Variants in FSIP1 observed in about 807,000 individuals in gnomAD.
FSIP1 encodes the protein fibrous sheath-interacting protein 1.
A neutral mutation model predicts 60.9 loss-of-function variants in FSIP1; 65 were observed. That is an observed-to-expected ratio of 1.07 (90% CI 0.87 to 1.31). The LOEUF (loss-of-function observed/expected upper bound fraction) is 1.31. Ranked by LOEUF, FSIP1 falls within the 40% of genes most tolerant of loss-of-function variation. The probability of loss-of-function intolerance (pLI) is 0.00; values close to 1 mark genes in which losing one functional copy is unlikely to be tolerated. For synonymous variants in FSIP1, 209 were observed against 221.2 expected (o/e 0.94, Z 0.49); for missense variants, 675 against 665.5 (o/e 1.01, Z -0.16).
intron 1 of FSIP1, among the ~76,000 whole-genome samples, chr15:39,781,089 T>C (rs925919695): frequency 4.6e-5 from 7 of 152,164 alleles, no homozygotes; most frequent in Admixed American, 3.9e-4. Context: ...AAAACACATA[T>C]CTGACAAAGG....
chr15:39,764,156 TAA>T (rs1231274974), intron 4 of FSIP1, among the ~76,000 whole-genome samples: 1 of 152,180 alleles, frequency 6.6e-6, no homozygotes, highest in Non-Finnish European at 1.5e-5. Flanking sequence ...TAAAGTATCA[TAA>T]GTTTCTGCTT....
At chr15:39,680,104 G>C (rs1225985089) in intron 10 of FSIP1, among the ~76,000 whole-genome samples, 1 of 152,028 alleles carries the variant, frequency 6.6e-6, no homozygotes, top group Non-Finnish European at 1.5e-5. Flanking sequence ...GAATAGGCCT[G>C]AAATTCTAGA....
rs556243550 is a variant in FSIP1, at chr15:39,731,579, C to T, written c.892-4832G>A. On this transcript the variant is annotated intron_variant, in intron 8 of 11. Transcript: ENST00000350221. The stretch of plus-strand genomic sequence containing the variant: ...AAATGTATATGTTTTATGCACTATG[C>T]CGTTACAGAAATAAGATATATGTAA... 4.6e-5 allele frequency among the ~76,000 whole-genome samples: 7 copies of T among 152,294 alleles called. No individual in the cohort carries two copies. In the East Asian group the frequency reaches 1.3e-3, roughly 29 times the overall value.
At chr15:39,732,448 C>T (rs1896441781) in intron 8 of FSIP1, among the ~76,000 whole-genome samples, 1 of 151,912 alleles carries the variant, frequency 6.6e-6, no homozygotes, top group Admixed American at 6.6e-5. Flanking sequence ...GGTGAAATCC[C>T]ATCTCTACTA....
At chr15:39,674,342 C>CCG (rs1440170088) in intron 10 of FSIP1, among the ~76,000 whole-genome samples, 1 of 152,206 alleles carries the variant, frequency 6.6e-6, no homozygotes, top group Non-Finnish European at 1.5e-5. Context: ...GCGTGAGCCA[C>CCG]TGCATCCGGC....
chr15:39,710,441 GAA>G (rs397945950), intron 10 of FSIP1, among the ~76,000 whole-genome samples: 53 of 74,248 alleles, frequency 7.1e-4, no homozygotes, highest in African/African-American at 1.4e-3. Flanking sequence ...CTCTGTCTCA[GAA>G]AAAAAAAAAA....
chr15:39,712,518 A>G (rs1457012895), intron 10 of FSIP1, among the ~76,000 whole-genome samples: 1 of 152,234 alleles, frequency 6.6e-6, no homozygotes, highest in East Asian at 1.9e-4. Flanking sequence ...ATATGGCAAC[A>G]AACTAGTCAC....
intron 10 of FSIP1, among the ~76,000 whole-genome samples, chr15:39,634,269 A>T (rs1892036529): frequency 6.6e-6 from 1 of 152,156 alleles, no homozygotes; most frequent in Non-Finnish European, 1.5e-5. Flanking sequence ...CCACCACTGC[A>T]TTTCTCTTAC....
chr15:39,746,228 G>A (rs1475366551), intron 5 of FSIP1, among the ~76,000 whole-genome samples: 7 of 152,134 alleles, frequency 4.6e-5, no homozygotes, highest in Admixed American at 3.9e-4. Context: ...AAAGCAATCA[G>A]TGGTCATGTA....
intron 10 of FSIP1, among the ~76,000 whole-genome samples, chr15:39,621,166 G>A (rs1891429290): frequency 6.6e-6 from 1 of 152,102 alleles, no homozygotes; most frequent in African/African-American, 2.4e-5. Flanking sequence ...GGGGTCTTGG[G>A]GAGGGTTGAG....
At chr15:39,726,538 G>A in intron 9 of FSIP1, 51 bp downstream of exon 9, 4 of 1,588,348 alleles carry the variant, frequency 2.5e-6, no homozygotes, top group Non-Finnish European at 3.5e-6. Context: ...AAAATTATGT[G>A]AACAGCTTTA....
chr15:39,618,499 GA>G (rs1202012201), intron 10 of FSIP1, among the ~76,000 whole-genome samples: 1 of 152,068 alleles, frequency 6.6e-6, no homozygotes, highest in Non-Finnish European at 1.5e-5. Context: ...TCCTTACTGG[GA>G]AAAAAATTGG....
At chr15:39,639,351 T>C (rs897833747) in intron 10 of FSIP1, among the ~76,000 whole-genome samples, 5 of 152,136 alleles carry the variant, frequency 3.3e-5, no homozygotes, top group Admixed American at 6.5e-5. Context: ...ATGGCTCTTG[T>C]AGGTCTTCTT....
At chr15:39,620,593 T>C (rs1891402546) in intron 10 of FSIP1, among the ~76,000 whole-genome samples, 1 of 151,538 alleles carries the variant, frequency 6.6e-6, no homozygotes, top group South Asian at 2.1e-4. Flanking sequence ...GTAATTTAAA[T>C]GTATTCTTTT....
intron 11 of FSIP1, among the ~76,000 whole-genome samples, chr15:39,612,830 G>A (rs1187249614): frequency 6.6e-6 from 1 of 152,048 alleles, no homozygotes; most frequent in East Asian, 1.9e-4. Flanking sequence ...GGAAGATAAT[G>A]ATTATGACCA....
chr15:39,693,038 C>G (rs1024771251), intron 10 of FSIP1, among the ~76,000 whole-genome samples: 1 of 152,174 alleles, frequency 6.6e-6, no homozygotes, highest in African/African-American at 2.4e-5. Context: ...GAGCATCTGC[C>G]AAAAGTAAAG....
chr15:39,763,254 A>G (rs889941177), intron 5 of FSIP1, among the ~76,000 whole-genome samples: 3 of 152,238 alleles, frequency 2.0e-5, no homozygotes, highest in African/African-American at 7.2e-5. Flanking sequence ...CAAAAATACA[A>G]AATGTTTCTA....
At chr15:39,705,608 T>C (rs1233086540) in intron 10 of FSIP1, among the ~76,000 whole-genome samples, 1 of 152,164 alleles carries the variant, frequency 6.6e-6, no homozygotes, top group Non-Finnish European at 1.5e-5. Flanking sequence ...TGTTAGTATA[T>C]ATGCGCCAAT....
intron 10 of FSIP1, among the ~76,000 whole-genome samples, chr15:39,657,996 C>T (rs1467120143): frequency 6.6e-6 from 1 of 152,156 alleles, no homozygotes; most frequent in Admixed American, 6.5e-5. Context: ...TACAAAAACG[C>T]TCTGACACTA....
Sources: gnomAD v4.1 joint callset for allele counts (sites outside exome capture counted in the v4.1 genomes callset) on GRCh38, gnomAD v4.1.1 for gene constraint, MANE v1.5 for transcripts, NCBI Gene and HGNC (gene_info 2026-07-23, HGNC 2026-07-21) for gene names.